BRAF: variants seen among roughly 807,000 people sequenced by gnomAD.
BRAF encodes the protein B-Raf proto-oncogene, serine/threonine kinase.
BRAF carries 16 observed loss-of-function variants against 104.6 expected under a neutral mutation model. The observed-to-expected ratio is 0.15, with a 90% CI of 0.10 to 0.23. The LOEUF (loss-of-function observed/expected upper bound fraction) is 0.23. Among genes scored for constraint, BRAF ranks in the 10% least tolerant of loss-of-function variants. BRAF has a pLI of 1.00. For missense variants in BRAF, 541 were observed against 937.3 expected (o/e 0.58, Z 5.52); for synonymous variants, 310 against 341.6 (o/e 0.91, Z 1.02).
intron 10 of BRAF, chr7:140,785,564 C>T: frequency 2.5e-6 from 1 of 394,830 alleles, no homozygotes. Context: ...CCAGGCCAAA[C>T]AGAAATTTAG....
chr7:140,871,239 CAAAAAAAAAAAAAAA>C (rs11284186), intron 1 of BRAF, among the ~76,000 whole-genome samples: 1 of 61,180 alleles, frequency 1.6e-5, no homozygotes. Flanking sequence ...GACTCCGTCT[CAAAAAAAAAAAAAAA>C]AAAAAAAAGA....
At chr7:140,746,118 T>G (rs938357533) in intron 17 of BRAF, among the ~76,000 whole-genome samples, 1 of 152,224 alleles carries the variant, frequency 6.6e-6, no homozygotes, top group Non-Finnish European at 1.5e-5. Context: ...TACAGATTCA[T>G]ATTTTAAGCT....
chr7:140,924,477 AG>A lies in BRAF; in HGVS notation c.138+88del. Reference sequence around the variant, plus strand: ...CCCGAGAAGGTGGCTGAGGGCATCAAGCCCCCACCGCCGCCTCTTTCCAAAA... The same window carrying A: ...CCCGAGAAGGTGGCTGAGGGCATCAACCCCCACCGCCGCCTCTTTCCAAAA... On this transcript the variant is annotated intron_variant, in intron 1 of 19. Coordinates refer to ENST00000644969, the MANE Select transcript of BRAF (RefSeq NM_001374258.1). The surrounding 1 kb of genome is among the most constrained non-coding windows in gnomAD (Gnocchi z 4.2). 1.3e-6 allele frequency: 2 copies of A among 1,515,530 alleles called. No homozygotes were observed. The highest frequency in any genetic ancestry group is 2.4e-5 in the South Asian group (2 of 83,096). The allele number at this position is 1,515,530 out of a possible 1,614,324, so 93.9% of individuals were successfully genotyped here.
chr7:140,802,286 T>C (rs1803204241), intron 5 of BRAF, among the ~76,000 whole-genome samples: 1 of 148,172 alleles, frequency 6.7e-6, no homozygotes, highest in Non-Finnish European at 1.5e-5. Context: ...ATGTGTATGT[T>C]TGTGTCTTTT....
intron 14 of BRAF, among the ~76,000 whole-genome samples, chr7:140,765,722 G>C (rs968731989): frequency 6.6e-5 from 10 of 152,156 alleles, no homozygotes; most frequent in African/African-American, 9.7e-5. Context: ...CTGGCCATCA[G>C]AGAAATGCAA....
chr7:140,828,572 CAATTAT>C (rs1278986302), intron 3 of BRAF, among the ~76,000 whole-genome samples: 1 of 152,166 alleles, frequency 6.6e-6, no homozygotes, highest in Non-Finnish European at 1.5e-5. Context: ...TTCCTTTTCT[CAATTAT>C]AATACCTCTC....
intron 19 of BRAF, chr7:140,734,583 C>CT: frequency 1.9e-6 from 3 of 1,613,650 alleles, no homozygotes; most frequent in Non-Finnish European, 2.5e-6. Context: ...CCTGAACTCT[C>CT]TCACTCATTT....
intron 3 of BRAF, among the ~76,000 whole-genome samples, chr7:140,812,841 AG>A (rs1562971940): frequency 6.6e-6 from 1 of 152,228 alleles, no homozygotes; most frequent in Non-Finnish European, 1.5e-5. Context: ...CTAGAAAAAA[AG>A]GTTCATCCAT....
chr7:140,721,745 G>C lies in BRAF; in HGVS notation c.*4749C>G. The stretch of plus-strand genomic sequence containing the variant: ...CATGGACTTTCTCTTTCAATGGTGA[G>C]GAATGAAACAAGATACAAGAACCAC... On this transcript the variant is annotated 3_prime_UTR_variant, in exon 20 of 20. Coordinates refer to ENST00000644969, the MANE Select transcript of BRAF (RefSeq NM_001374258.1). The C allele has an allele frequency of 6.6e-7, 1 of 1,504,668 alleles. No individual in the cohort carries two copies. The highest frequency in any genetic ancestry group is 8.8e-7 in the Non-Finnish European group (1 of 1,132,420). The allele number at this position is 1,504,668 out of a possible 1,614,324, so 93.2% of individuals were successfully genotyped here. A position where few individuals can be genotyped will look rare whatever the true frequency, so the allele number is the denominator to read the frequency against.
intron 18 of BRAF, among the ~76,000 whole-genome samples, chr7:140,736,032 CAGGGATAACCA>C (rs1406016005): frequency 6.6e-6 from 1 of 150,670 alleles, no homozygotes; most frequent in Non-Finnish European, 1.5e-5. Flanking sequence ...TCCTGCTCTC[CAGGGATAACCA>C]CTGTTAGAGT....
At chr7:140,916,727 CAG>C (rs757238337) in intron 1 of BRAF, among the ~76,000 whole-genome samples, 62 of 152,174 alleles carry the variant, frequency 4.1e-4, no homozygotes, top group Non-Finnish European at 7.8e-4. Context: ...TAATTCAAGA[CAG>C]AGATATATTA....
intron 1 of BRAF, among the ~76,000 whole-genome samples, chr7:140,914,680 A>G (rs1301570187): frequency 6.6e-6 from 1 of 152,118 alleles, no homozygotes; most frequent in Non-Finnish European, 1.5e-5. Context: ...AAGATGGGAT[A>G]TTTTTATGAT....
chr7:140,748,748 G>GTC lies in BRAF; in HGVS notation c.2112+538_2112+539insGA, dbSNP rs577967688. 1.1e-4 allele frequency among the ~76,000 whole-genome samples: 16 copies of GTC among 152,230 alleles called. No homozygotes were observed. In the South Asian group the frequency reaches 1.5e-3, roughly 14 times the overall value. On this transcript the variant is annotated intron_variant, in intron 17 of 19. Transcript: ENST00000644969. The stretch of plus-strand genomic sequence containing the variant: ...AGGCTATGTTAGTACCTTTTGGAAG[G>GTC]TAAGGGACAGGGAATAGTTGCTTAG...
intron 14 of BRAF, among the ~76,000 whole-genome samples, chr7:140,770,839 A>G (rs1799770949): frequency 6.6e-6 from 1 of 150,438 alleles, no homozygotes; most frequent in Non-Finnish European, 1.5e-5. Flanking sequence ...AGGCTGAGGC[A>G]GGAGAATCGC....
chr7:140,888,932 A>G (rs1406739325), intron 1 of BRAF, among the ~76,000 whole-genome samples: 1 of 152,028 alleles, frequency 6.6e-6, no homozygotes, highest in African/African-American at 2.4e-5. Flanking sequence ...TGATGTTTCT[A>G]CTTGGGGGTA....
intron 1 of BRAF, among the ~76,000 whole-genome samples, chr7:140,886,456 A>G (rs1235372672): frequency 6.6e-6 from 1 of 152,210 alleles, no homozygotes; most frequent in African/African-American, 2.4e-5. Context: ...GCAAGATCTG[A>G]AAAGATCTCA....
At chr7:140,732,170 C>CAAAAAAAAAAAAAAAAA (rs61727494) in intron 19 of BRAF, 1 of 23,696 alleles carries the variant, frequency 4.2e-5, no homozygotes. Context: ...GACTCTGTCT[C>CAAAAAAAAAAAAAAAAA]AAAAAAAAAA....
intron 12 of BRAF, among the ~76,000 whole-genome samples, chr7:140,779,299 T>G (rs1419263022): frequency 6.6e-6 from 1 of 152,086 alleles, no homozygotes; most frequent in Non-Finnish European, 1.5e-5. Flanking sequence ...TGCAGTGGTG[T>G]GATCATGGCT....
At chr7:140,792,018 T>C (rs1026469325) in intron 8 of BRAF, among the ~76,000 whole-genome samples, 1 of 152,224 alleles carries the variant, frequency 6.6e-6, no homozygotes, top group African/African-American at 2.4e-5. Context: ...TGAGTTTTTA[T>C]GAGGATGAAA....
Sources: allele counts gnomAD v4.1 joint callset (sites outside exome capture counted in the v4.1 genomes callset), GRCh38; gene constraint gnomAD v4.1.1; non-coding constraint Gnocchi (gnomAD v3.1); transcripts MANE v1.5; gene names NCBI Gene and HGNC (gene_info 2026-07-23, HGNC 2026-07-21).